HIBADH: variants seen among roughly 807,000 people sequenced by gnomAD.
The protein encoded by HIBADH is 3-hydroxyisobutyrate dehydrogenase, mitochondrial.
A neutral mutation model predicts 36.1 loss-of-function variants in HIBADH; 25 were observed. The observed-to-expected ratio is 0.69, with a 90% CI of 0.50 to 0.97. The LOEUF is 0.97. HIBADH is among the 50% of genes least tolerant of loss of function. The pLI, the probability that HIBADH is intolerant of heterozygous loss-of-function variation, is 0.00. For missense variants in HIBADH, 421 were observed against 418.0 expected (o/e 1.01, Z -0.06); for synonymous variants, 160 against 149.5 (o/e 1.07, Z -0.51).
At chr7:27,530,795 T>G (rs1480696419) in intron 7 of HIBADH, among the ~76,000 whole-genome samples, 3 of 152,072 alleles carry the variant, frequency 2.0e-5, no homozygotes, top group Non-Finnish European at 4.4e-5. Context: ...AATCCTCTCT[T>G]CGTGATGCAT....
intron 4 of HIBADH, among the ~76,000 whole-genome samples, chr7:27,591,106 A>C (rs1784932464): frequency 6.6e-6 from 1 of 152,236 alleles, no homozygotes; most frequent in Non-Finnish European, 1.5e-5. Context: ...CAGTTTTTCT[A>C]AATTGAGGCA....
intron 2 of HIBADH, among the ~76,000 whole-genome samples, chr7:27,639,337 G>A (rs1583613800): frequency 6.6e-6 from 1 of 152,154 alleles, no homozygotes; most frequent in East Asian, 1.9e-4. Context: ...CTAATCCAGG[G>A]AAAGAAACCA....
intron 4 of HIBADH, among the ~76,000 whole-genome samples, chr7:27,558,690 G>A (rs1456895339): frequency 6.6e-6 from 1 of 152,012 alleles, no homozygotes; most frequent in Non-Finnish European, 1.5e-5. Context: ...GCAAGACCCA[G>A]TCTCAAAAAC....
chr7:27,612,810 C>T lies in HIBADH; in HGVS notation c.484+16561G>A, dbSNP rs1022743605. ...AATTAGCTGGGCATGGTGGTGCATGCCTATAGTCCTAGATATTCCAGAGAA... is the reference window on the plus strand; with the variant it reads ...AATTAGCTGGGCATGGTGGTGCATGTCTATAGTCCTAGATATTCCAGAGAA... On this transcript the variant is annotated intron_variant, in intron 4 of 7. Coordinates refer to ENST00000265395, the MANE Select transcript of HIBADH (RefSeq NM_152740.4). 2.9e-4 allele frequency among the ~76,000 whole-genome samples: 44 copies of T among 149,432 alleles called. 1 individual carries two copies. The highest frequency in any genetic ancestry group is 1.0e-4 in the Non-Finnish European group (7 of 67,582).
intron 4 of HIBADH, among the ~76,000 whole-genome samples, chr7:27,551,595 TGATAACTTAGACGA>T (rs1562618548): frequency 6.6e-6 from 1 of 151,952 alleles, no homozygotes; most frequent in South Asian, 2.1e-4. Flanking sequence ...ATGCAGGTGC[TGATAACTTAGACGA>T]ACTACTCCCA....
chr7:27,602,349 CT>C lies in HIBADH; in HGVS notation c.484+27021del, dbSNP rs146707072. On this transcript the variant is annotated intron_variant, in intron 4 of 7. Transcript: ENST00000265395. ...TAAGGTGATTAGAGATGTTTTGAAT[CT>C]ACTTATTGATAAGGCTGTGTGCATT... Among the ~76,000 whole-genome samples, 1,359 of 152,200 alleles carry C rather than the reference CT, an allele frequency of 8.9e-3. 19 individuals are homozygous for C. Among genetic ancestry groups the C allele is most frequent in the African/African-American group, 0.031 (1,292 of 41,542 alleles).
chr7:27,539,220 G>A (rs1784111978), intron 5 of HIBADH, among the ~76,000 whole-genome samples: 1 of 152,120 alleles, frequency 6.6e-6, no homozygotes, highest in Non-Finnish European at 1.5e-5. Context: ...TGGTAAATTT[G>A]ACATTCAGAG....
chr7:27,637,235 T>A (rs928923939), intron 2 of HIBADH, among the ~76,000 whole-genome samples: 2 of 152,140 alleles, frequency 1.3e-5, no homozygotes, highest in Non-Finnish European at 2.9e-5. Context: ...CAGAGAAAGG[T>A]TAAGTAATCT....
chr7:27,636,826 G>C (rs1220605657), intron 2 of HIBADH, among the ~76,000 whole-genome samples: 4 of 152,178 alleles, frequency 2.6e-5, no homozygotes, highest in Admixed American at 1.3e-4. Flanking sequence ...GCAAAATAAA[G>C]GTGGGTCAGA....
intron 4 of HIBADH, among the ~76,000 whole-genome samples, chr7:27,585,869 T>C (rs1487157014): frequency 6.6e-6 from 1 of 152,106 alleles, no homozygotes; most frequent in Non-Finnish European, 1.5e-5. Flanking sequence ...TTGGAGAAAA[T>C]GTTATAAGAT....
At chr7:27,598,171 A>G (rs184809970) in intron 4 of HIBADH, among the ~76,000 whole-genome samples, 4 of 152,358 alleles carry the variant, frequency 2.6e-5, no homozygotes, top group African/African-American at 4.8e-5. Context: ...TATTAGAAGT[A>G]CACAATTATC....
intron 2 of HIBADH, among the ~76,000 whole-genome samples, chr7:27,642,652 T>G (rs1489438639): frequency 7.1e-6 from 1 of 140,446 alleles, no homozygotes; most frequent in African/African-American, 2.7e-5. Flanking sequence ...GTTTTTTTTT[T>G]TTTTTTTTTT....
At chr7:27,661,585 CAAAAAAAAAAAAAA>C (rs61214015) in intron 1 of HIBADH, among the ~76,000 whole-genome samples, 5 of 68,738 alleles carry the variant, frequency 7.3e-5, no homozygotes, top group Non-Finnish European at 1.0e-4. Flanking sequence ...GACCCTGTCT[CAAAAAAAAAAAAAA>C]AAAAAAAAAA....
intron 4 of HIBADH, among the ~76,000 whole-genome samples, chr7:27,571,069 C>T (rs1784621576): frequency 6.6e-6 from 1 of 152,034 alleles, no homozygotes; most frequent in African/African-American, 2.4e-5. Flanking sequence ...TTCTGTAGTA[C>T]CTTTGGGTTA....
At chr7:27,551,529 T>C (rs942506582) in intron 4 of HIBADH, among the ~76,000 whole-genome samples, 1 of 152,188 alleles carries the variant, frequency 6.6e-6, no homozygotes, top group African/African-American at 2.4e-5. Context: ...GAGCTGAAAT[T>C]TGGAATTTAG....
intron 4 of HIBADH, among the ~76,000 whole-genome samples, chr7:27,544,794 A>T (rs1005410551): frequency 3.3e-5 from 5 of 152,140 alleles, no homozygotes; most frequent in Non-Finnish European, 7.4e-5. Flanking sequence ...TCATTTATTT[A>T]AAAAAAATTA....
rs1456058924 is a variant in HIBADH, at chr7:27,649,455, C to T, written c.252+18G>A. Reference sequence around the variant, plus strand: ...TTCATTCTCAAAATCTAAAACAAATCTAAAGAAAAGGTCTTACCTGTTCAC... The same window carrying T: ...TTCATTCTCAAAATCTAAAACAAATTTAAAGAAAAGGTCTTACCTGTTCAC... On this transcript the variant is annotated intron_variant, in intron 2 of 7. Coordinates refer to ENST00000265395, the MANE Select transcript of HIBADH (RefSeq NM_152740.4). 35 of 1,552,620 alleles carry T rather than the reference C, an allele frequency of 2.3e-5. No individual in the cohort carries two copies. The highest frequency in any genetic ancestry group is 2.8e-5 in the Non-Finnish European group (32 of 1,147,834).
chr7:27,599,948 A>G (rs573938925), intron 4 of HIBADH, among the ~76,000 whole-genome samples: 79 of 150,630 alleles, frequency 5.2e-4, no homozygotes, highest in African/African-American at 1.3e-3. Flanking sequence ...TGCCAATGGG[A>G]AAAAAAAATC....
intron 4 of HIBADH, among the ~76,000 whole-genome samples, chr7:27,599,830 G>A (rs998037554): frequency 2.0e-5 from 3 of 150,942 alleles, no homozygotes; most frequent in Admixed American, 6.6e-5. Flanking sequence ...ATGGAAAATT[G>A]TAAGTAAATG....
Sources: allele counts gnomAD v4.1 joint callset (sites outside exome capture counted in the v4.1 genomes callset), GRCh38; gene constraint gnomAD v4.1.1; transcripts MANE v1.5; gene names NCBI Gene and HGNC (gene_info 2026-07-23, HGNC 2026-07-21).